OR6N1: variants seen among roughly 807,000 people sequenced by gnomAD.
OR6N1 encodes the protein olfactory receptor 6N1.
For synonymous variants in OR6N1, 170 were observed against 150.7 expected (o/e 1.13, Z -0.94); for missense variants, 394 against 371.7 (o/e 1.06, Z -0.49).
chr1:158,815,857 C>T, the OR6N1 span, among the ~76,000 whole-genome samples: 6 of 151,986 alleles, frequency 3.9e-5, no homozygotes, highest in Admixed American at 1.3e-4. Flanking sequence ...CATGCCATTA[C>T]GAATATGGTA....
the OR6N1 span, among the ~76,000 whole-genome samples, chr1:158,793,073 T>A: frequency 6.6e-6 from 1 of 152,274 alleles, no homozygotes; most frequent in East Asian, 1.9e-4. Flanking sequence ...AAAACTTTTC[T>A]CTGCTTTTTG....
chr1:158,768,176 C>T (rs190572744), intron 1 of OR6N1, among the ~76,000 whole-genome samples: 38 of 152,004 alleles, frequency 2.5e-4, no homozygotes, highest in Admixed American at 1.2e-3. Context: ...TCTATATAAA[C>T]TCAACTCCTC....
At chr1:158,808,197 G>T in the OR6N1 span, among the ~76,000 whole-genome samples, 12,836 of 138,748 alleles carry the variant, frequency 0.093, 589 homozygotes, top group Middle Eastern at 0.13. Context: ...GAGTGCAGTG[G>T]TGCGATCTCG....
At chr1:158,810,498 G>A in the OR6N1 span, among the ~76,000 whole-genome samples, 1 of 152,162 alleles carries the variant, frequency 6.6e-6, no homozygotes, top group African/African-American at 2.4e-5. Context: ...GCAAGCAGTT[G>A]TGCAAAAGGA....
chr1:158,831,661 A>C, the OR6N1 span: 1 of 152,214 alleles, frequency 6.6e-6, no homozygotes, highest in Non-Finnish European at 1.5e-5. Context: ...TGTTGTTATC[A>C]ATCATATTCA....
the OR6N1 span, among the ~76,000 whole-genome samples, chr1:158,823,742 T>C: frequency 6.6e-6 from 1 of 152,124 alleles, no homozygotes; most frequent in Non-Finnish European, 1.5e-5. Context: ...TTATTTCTTG[T>C]TTTCTACTAG....
At chr1:158,792,152 C>T in the OR6N1 span, among the ~76,000 whole-genome samples, 3 of 152,002 alleles carry the variant, frequency 2.0e-5, no homozygotes, top group Admixed American at 1.3e-4. Flanking sequence ...ATATAGTAAC[C>T]TTCTTTGTAT....
At chr1:158,784,142 C>CA in the OR6N1 span, among the ~76,000 whole-genome samples, 3 of 152,032 alleles carry the variant, frequency 2.0e-5, no homozygotes, top group Non-Finnish European at 4.4e-5. Context: ...CTGACTCCTC[C>CA]ACCCCTCTCC....
chr1:158,777,722 CTT>C, the OR6N1 span: 11 of 791,480 alleles, frequency 1.4e-5, no homozygotes, highest in Non-Finnish European at 2.0e-5. Context: ...CTCTCTCTCT[CTT>C]TTTAACTTAA....
chr1:158,827,603 T>C, the OR6N1 span, among the ~76,000 whole-genome samples: 1 of 152,144 alleles, frequency 6.6e-6, no homozygotes, highest in Non-Finnish European at 1.5e-5. Context: ...TTTTAGAACT[T>C]CAGGCTGGAA....
At chr1:158,768,183 C>T (rs1012448926) in intron 1 of OR6N1, among the ~76,000 whole-genome samples, 17 of 151,958 alleles carry the variant, frequency 1.1e-4, no homozygotes, top group Admixed American at 5.2e-4. Flanking sequence ...AAACTCAACT[C>T]CTCTGCTCTA....
In OR6N1 at chr1:158,765,967, G is replaced by C. The variant is rs1173852437; in HGVS notation, c.716C>G (p.Ser239Cys). ...CACAGTGAAGTGGGAGGCACACGTG[G>C]AGATGGCCTTCCTCTTGCCGGCAGC... ...PSAAGKRKAI[S>C]TCASHFTVVL... Residue 239 changes from serine to cysteine, a missense_variant, in exon 2 of 2, where the codon TCC becomes TGC. Transcript: ENST00000641846. 6.2e-7 allele frequency: 1 copy of C among 1,614,110 alleles called. No homozygotes were observed.
At chr1:158,826,019 C>A in the OR6N1 span, among the ~76,000 whole-genome samples, 1 of 151,920 alleles carries the variant, frequency 6.6e-6, no homozygotes, top group African/African-American at 2.4e-5. Context: ...CAAACTGACA[C>A]AGGAAAAGAA....
At chr1:158,814,364 G>T in the OR6N1 span, among the ~76,000 whole-genome samples, 24 of 152,112 alleles carry the variant, frequency 1.6e-4, no homozygotes, top group Admixed American at 4.6e-4. Context: ...TACCCTTCTA[G>T]AGTGTTAAAA....
At chr1:158,826,418 AT>A in the OR6N1 span, among the ~76,000 whole-genome samples, 1 of 152,222 alleles carries the variant, frequency 6.6e-6, no homozygotes, top group African/African-American at 2.4e-5. Context: ...TAATTATTCA[AT>A]TTAGGTGAAT....
chr1:158,802,008 T>C, the OR6N1 span, among the ~76,000 whole-genome samples: 1 of 152,072 alleles, frequency 6.6e-6, no homozygotes, highest in Non-Finnish European at 1.5e-5. Context: ...TTGCTATATG[T>C]TCTCTGGAGT....
the OR6N1 span, among the ~76,000 whole-genome samples, chr1:158,783,461 C>T: frequency 7.2e-5 from 11 of 152,216 alleles, no homozygotes; most frequent in African/African-American, 2.7e-4. Flanking sequence ...CATGAACACT[C>T]GTAGAATACA....
At chr1:158,826,755 G>A in the OR6N1 span, among the ~76,000 whole-genome samples, 26,514 of 151,942 alleles carry the variant, frequency 0.17, 2,564 homozygotes, top group Admixed American at 0.26. Context: ...ATGTATGAGG[G>A]GAATTTCAGG....
chr1:158,767,401 C>T (rs1657302222), intron 1 of OR6N1, among the ~76,000 whole-genome samples: 1 of 152,198 alleles, frequency 6.6e-6, no homozygotes, highest in African/African-American at 2.4e-5. Flanking sequence ...GTGGCCACTT[C>T]ATCAGTTCTT....
Sources: allele counts gnomAD v4.1 joint callset (sites outside exome capture counted in the v4.1 genomes callset), GRCh38; gene constraint gnomAD v4.1.1; transcripts MANE v1.5; gene names NCBI Gene and HGNC (gene_info 2026-07-23, HGNC 2026-07-21).